MEIS1: variants seen among roughly 807,000 people sequenced by gnomAD.
MEIS1 encodes the protein Meis homeobox 1, also known as homeobox protein Meis1.
A neutral mutation model predicts 50.8 loss-of-function variants in MEIS1; 5 were observed. The observed-to-expected ratio is 0.10, with a 90% CI of 0.05 to 0.21. The LOEUF (loss-of-function observed/expected upper bound fraction) is 0.21. MEIS1 is among the 10% of genes least tolerant of loss of function. MEIS1 has a pLI of 1.00. For missense variants in MEIS1, 318 were observed against 517.3 expected, an observed-to-expected ratio of 0.61 and a Z score of 3.74; for synonymous variants, 176 against 179.3, an observed-to-expected ratio of 0.98 and a Z score of 0.15.
intron 7 of MEIS1, chr2:66,509,065 C>G (rs1252869977): frequency 4.2e-6 from 2 of 471,574 alleles, no homozygotes; most frequent in Admixed American, 2.3e-5. Flanking sequence ...GAAAGAAATT[C>G]TCGAGAGACC....
chr2:66,443,219 A>G, intron 6 of MEIS1, 171 bp downstream of exon 6: 1 of 701,882 alleles, frequency 1.4e-6, no homozygotes, highest in South Asian at 2.4e-5. Context: ...TGCTTCATTA[A>G]GGCTGGCTCT....
intron 9 of MEIS1, among the ~76,000 whole-genome samples, chr2:66,550,812 T>TA (rs1674901290): frequency 6.6e-6 from 1 of 151,960 alleles, no homozygotes; most frequent in Admixed American, 6.6e-5. Context: ...ACATTTTTTA[T>TA]AAAAAATGTT....
intron 7 of MEIS1, among the ~76,000 whole-genome samples, chr2:66,474,194 A>G (rs988412793): frequency 6.6e-6 from 1 of 151,958 alleles, no homozygotes; most frequent in Non-Finnish European, 1.5e-5. Flanking sequence ...CCACCTAATC[A>G]CTTGTTCTCC....
intron 8 of MEIS1, among the ~76,000 whole-genome samples, chr2:66,536,205 A>G (rs968674232): frequency 1.6e-4 from 24 of 152,236 alleles, no homozygotes; most frequent in African/African-American, 5.8e-4. Flanking sequence ...GAGTAGTCAG[A>G]GAGGATTTCT....
chr2:66,445,369 C>A (rs1672105268), intron 6 of MEIS1: 2 of 152,378 alleles, frequency 1.3e-5, no homozygotes, highest in Non-Finnish European at 1.5e-5. Context: ...GTGGGCTCCA[C>A]TGCCCTGGGG....
At chr2:66,562,967 A>G (rs568052722) in intron 9 of MEIS1, among the ~76,000 whole-genome samples, 2 of 152,306 alleles carry the variant, frequency 1.3e-5, no homozygotes, top group East Asian at 3.9e-4. Flanking sequence ...CTTAAAGCAT[A>G]CTAAAAGATT....
At chr2:66,477,279 G>C (rs920621185) in intron 7 of MEIS1, among the ~76,000 whole-genome samples, 4 of 152,304 alleles carry the variant, frequency 2.6e-5, no homozygotes, top group Middle Eastern at 3.4e-3. Context: ...AGGAAGACTG[G>C]ACTGGACAGA....
chr2:66,442,270 T>TAAAAAAAAAAAAAAAAAAAAAAA (rs11292294), intron 5 of MEIS1, among the ~76,000 whole-genome samples: 1 of 114,566 alleles, frequency 8.7e-6, no homozygotes, highest in Non-Finnish European at 1.8e-5. Flanking sequence ...CTCCTTTTTG[T>TAAAAAAAAAAAAAAAAAAAAAAA]AAAAAAAAAA....
At chr2:66,547,693 A>G (rs886743190) in intron 8 of MEIS1, among the ~76,000 whole-genome samples, 5 of 152,210 alleles carry the variant, frequency 3.3e-5, no homozygotes, top group Admixed American at 3.3e-4. Context: ...TGCAACAAAT[A>G]AAGCTGTTAA....
chr2:66,465,384 TA>T (rs1672609560), intron 7 of MEIS1, among the ~76,000 whole-genome samples: 1 of 152,126 alleles, frequency 6.6e-6, no homozygotes, highest in African/African-American at 2.4e-5. Context: ...AGCTGAGAGG[TA>T]ACCTCTGACC....
At chr2:66,530,642 G>A (rs1174096698) in intron 8 of MEIS1, among the ~76,000 whole-genome samples, 1 of 152,122 alleles carries the variant, frequency 6.6e-6, no homozygotes, top group East Asian at 1.9e-4. Flanking sequence ...CGTGAACCTG[G>A]GAGGCGGAGC....
intron 6 of MEIS1, among the ~76,000 whole-genome samples, chr2:66,460,835 T>G (rs1438943302): frequency 6.6e-6 from 1 of 152,190 alleles, no homozygotes; most frequent in Non-Finnish European, 1.5e-5. Context: ...GAGAGCACTG[T>G]ATACCTGTTT....
At chr2:66,554,399 C>T (rs569583525) in intron 9 of MEIS1, among the ~76,000 whole-genome samples, 1 of 152,198 alleles carries the variant, frequency 6.6e-6, no homozygotes, top group African/African-American at 2.4e-5. Flanking sequence ...ACTTGACTCC[C>T]ATTTCCCTGG....
At chr2:66,442,126 T>G (rs1672000998) in intron 5 of MEIS1, among the ~76,000 whole-genome samples, 1 of 152,292 alleles carries the variant, frequency 6.6e-6, no homozygotes, top group Admixed American at 6.5e-5. Flanking sequence ...CAATAAAAAC[T>G]TAATGCATTG....
chr2:66,478,079 G>A (rs995247778), intron 7 of MEIS1, among the ~76,000 whole-genome samples: 1 of 152,178 alleles, frequency 6.6e-6, no homozygotes, highest in Admixed American at 6.5e-5. Flanking sequence ...ACTTCATTTT[G>A]TGTGTCTAGA....
Position 66,439,846 on chromosome 2 carries a change from C to T in MEIS1, c.243C>T (p.His81=), listed in dbSNP as rs575209192. Residue 81 remains histidine (H), a synonymous_variant, in exon 3 of 13, where the codon CAC becomes CAT. Transcript: ENST00000272369. ...TGACTGTTGTATTTTCTTGCAGACA[C>T]CCCCTCTTCCCTCTCTTAGCACTGA... is the stretch of plus-strand genomic sequence containing the variant. ...LKRDKDAIYG[H]PLFPLLALIF... is the part of the protein sequence containing the mutation. 12 of 1,612,440 alleles carry T rather than the reference C, an allele frequency of 7.4e-6. No homozygotes were observed. The East Asian group carries it at 2.7e-4, about 36-fold the overall frequency.
At chr2:66,557,554 T>C (rs1208197142) in intron 9 of MEIS1, among the ~76,000 whole-genome samples, 2 of 152,238 alleles carry the variant, frequency 1.3e-5, no homozygotes, top group Non-Finnish European at 2.9e-5. Context: ...GAGACTGGCT[T>C]TTTTCACTAA....
intron 6 of MEIS1, 31 bp downstream of exon 6, chr2:66,443,079 G>GA (rs368068335): frequency 5.1e-3 from 6,086 of 1,188,546 alleles, no homozygotes; most frequent in Admixed American, 7.1e-3. Flanking sequence ...ACATCCCTGG[G>GA]AAAAAAAAAA....
intron 9 of MEIS1, among the ~76,000 whole-genome samples, chr2:66,555,253 G>GT (rs1179741100): frequency 1.4e-4 from 6 of 42,918 alleles, no homozygotes; most frequent in African/African-American, 1.5e-4. Context: ...GTGTGTACGT[G>GT]TTCTCTCTCT....
Sources: gnomAD v4.1 joint callset for allele counts (sites outside exome capture counted in the v4.1 genomes callset) on GRCh38, gnomAD v4.1.1 for gene constraint, MANE v1.5 for transcripts, NCBI Gene and HGNC (gene_info 2026-07-23, HGNC 2026-07-21) for gene names.